The following CPXM2 variants were observed in gnomAD, a reference collection of about 807,000 sequenced individuals.
CPXM2 encodes the protein inactive carboxypeptidase-like protein X2.
In CPXM2, 66 loss-of-function variants were observed where a neutral mutation model predicts 86.1. The ratio of observed to expected loss-of-function variants is 0.77; its 90% CI spans 0.63 to 0.94. The LOEUF (loss-of-function observed/expected upper bound fraction) is 0.94, where lower values mean the gene tolerates loss of function less well. CPXM2 is among the 40% of genes least tolerant of loss of function. The pLI is 0.00. For missense variants in CPXM2, 948 were observed against 1,026.3 expected, an observed-to-expected ratio of 0.92 and a Z score of 1.04; for synonymous variants, 388 against 400.2, an observed-to-expected ratio of 0.97 and a Z score of 0.36.
At chr10:123,901,000 A>G (rs1308581064) in intron 2 of CPXM2, among the ~76,000 whole-genome samples, 2 of 152,224 alleles carry the variant, frequency 1.3e-5, no homozygotes, top group African/African-American at 4.8e-5. Flanking sequence ...TTATTCTTTT[A>G]TAATTTTCTG....
At chr10:123,806,988 A>C (rs989757490) in intron 4 of CPXM2, among the ~76,000 whole-genome samples, 1 of 152,210 alleles carries the variant, frequency 6.6e-6, no homozygotes, top group African/African-American at 2.4e-5. Flanking sequence ...CCCATGTGAT[A>C]GCAGCGTGTC....
intron 3 of CPXM2, among the ~76,000 whole-genome samples, chr10:123,855,863 T>A (rs993390754): frequency 6.6e-5 from 10 of 152,188 alleles, no homozygotes; most frequent in African/African-American, 2.4e-4. Context: ...CCAGCAGTGC[T>A]GGGGAAATGG....
chr10:123,837,831 G>C (rs1217723998), intron 4 of CPXM2, among the ~76,000 whole-genome samples: 1 of 152,202 alleles, frequency 6.6e-6, no homozygotes, highest in East Asian at 1.9e-4. Flanking sequence ...AACTGCGGTT[G>C]TAGAACTTAT....
rs1181038370 is a variant in CPXM2, at chr10:123,885,182, C to G, written c.305-4873G>C. On this transcript the variant is annotated intron_variant, in intron 1 of 13. Coordinates refer to ENST00000241305, the MANE Select transcript of CPXM2 (RefSeq NM_198148.3). The surrounding 1 kb of genome is among the most constrained non-coding windows in gnomAD (Gnocchi z 4.0). ...TCAGGCTGTGTTGTCTGGCAGGACTCAACGGGGACTCAACCTGGCTGGGGA... is the reference window on the plus strand; with the variant it reads ...TCAGGCTGTGTTGTCTGGCAGGACTGAACGGGGACTCAACCTGGCTGGGGA... Among the ~76,000 whole-genome samples, 2 of 150,642 alleles carry G rather than the reference C, an allele frequency of 1.3e-5. No homozygotes were observed. Among genetic ancestry groups the G allele is most frequent in the Non-Finnish European group, 3.0e-5 (2 of 67,654 alleles).
chr10:123,916,612 C>T (rs1945535227), intron 2 of CPXM2, among the ~76,000 whole-genome samples: 1 of 152,174 alleles, frequency 6.6e-6, no homozygotes, highest in African/African-American at 2.4e-5. Flanking sequence ...AACTCAGGCT[C>T]CTCCAGGGCA....
chr10:123,757,305 T>C lies in CPXM2; in HGVS notation c.1825A>G (p.Ile609Val), dbSNP rs748664773. The C allele has an allele frequency of 8.7e-6, 14 of 1,613,694 alleles. No individual in the cohort carries two copies. In the Admixed American group the frequency reaches 1.8e-4, roughly 21 times the overall value. Reference sequence around the variant, plus strand: ...GGGTATTTATCACAGCCCACGTAGATGGACAGTTCGAAGCAGTTTGTATGA... The same window carrying C: ...GGGTATTTATCACAGCCCACGTAGACGGACAGTTCGAAGCAGTTTGTATGA... ...YLHTNCFELS[I>V]YVGCDKYPHE... Residue 609 changes from isoleucine to valine, a missense_variant, in exon 12 of 14, where the codon ATC becomes GTC. Physicochemically the swap from Ile to Val is conservative, Grantham distance 29. Coordinates refer to ENST00000241305, the MANE Select transcript of CPXM2 (RefSeq NM_198148.3).
In CPXM2 at chr10:123,833,438, G is replaced by C. The variant is rs772550086; in HGVS notation, c.653+8911C>G. Among the ~76,000 whole-genome samples the C allele has an allele frequency of 2.9e-4, 44 of 152,188 alleles. 1 individual carries two copies. Among genetic ancestry groups the C allele is most frequent in the Non-Finnish European group, 5.7e-4 (39 of 68,040 alleles). ...TAATTCAGTTGCCAGGCCTTTCCTG[G>C]GTGCCCTCTGGAGGCACTGGGGGTG... is the stretch of plus-strand genomic sequence containing the variant. On this transcript the variant is annotated intron_variant, in intron 4 of 13. Transcript: ENST00000241305.
chr10:123,824,918 C>T (rs1220775523), intron 4 of CPXM2, among the ~76,000 whole-genome samples: 1 of 152,220 alleles, frequency 6.6e-6, no homozygotes, highest in Non-Finnish European at 1.5e-5. Flanking sequence ...TTTGCCACTT[C>T]CAGTGGGAAG....
rs929412152 is a variant in CPXM2, at chr10:123,809,802, T to A, written c.654-10603A>T. 2.0e-5 allele frequency among the ~76,000 whole-genome samples: 3 copies of A among 151,944 alleles called. No individual in the cohort carries two copies. In the East Asian group the frequency reaches 5.8e-4, roughly 29 times the overall value. On this transcript the variant is annotated intron_variant, in intron 4 of 13. Transcript: ENST00000241305. ...TTGGTAAAATTCCAGGAGTAAAAAC[T>A]GAAATAACAGAGTGTTTTATGCAAA...
intron 2 of CPXM2, among the ~76,000 whole-genome samples, chr10:123,932,097 G>A (rs142628601): frequency 1.3e-5 from 2 of 152,304 alleles, no homozygotes; most frequent in Non-Finnish European, 2.9e-5. Flanking sequence ...CTGTACAAGA[G>A]GAAGGTGTCA....
chr10:123,751,388 T>C, intron 13 of CPXM2: 1 of 349,874 alleles, frequency 2.9e-6, no homozygotes, highest in Non-Finnish European at 4.0e-6. Context: ...TACATTCCCT[T>C]GTTATCTACC....
chr10:123,748,503 T>G (rs1846011404), intron 13 of CPXM2, among the ~76,000 whole-genome samples: 1 of 152,092 alleles, frequency 6.6e-6, no homozygotes, highest in African/African-American at 2.4e-5. Context: ...TACACTGAGC[T>G]CACAGGAGCA....
intron 8 of CPXM2, among the ~76,000 whole-genome samples, chr10:123,770,076 C>A (rs1395732778): frequency 6.6e-6 from 1 of 152,192 alleles, no homozygotes. Flanking sequence ...GAGTTCGAGA[C>A]CAGCCTGACC....
At chr10:123,890,604 A>G (rs950035526) in intron 1 of CPXM2, among the ~76,000 whole-genome samples, 1 of 152,252 alleles carries the variant, frequency 6.6e-6, no homozygotes, top group Non-Finnish European at 1.5e-5. Flanking sequence ...GAACATTTGG[A>G]ACTAGAGAAA....
chr10:123,854,830 C>G (rs1186573486), intron 3 of CPXM2, among the ~76,000 whole-genome samples: 3 of 151,730 alleles, frequency 2.0e-5, no homozygotes, highest in African/African-American at 4.8e-5. Flanking sequence ...GTTAGTGCTT[C>G]AAGGACACAA....
At chr10:123,937,132 G>A (rs1945727786) in intron 2 of CPXM2, among the ~76,000 whole-genome samples, 1 of 152,170 alleles carries the variant, frequency 6.6e-6, no homozygotes, top group South Asian at 2.1e-4. Context: ...GTAAAGGGGA[G>A]TCCAGGTGAC....
intron 13 of CPXM2, among the ~76,000 whole-genome samples, chr10:123,753,764 A>G (rs1423518029): frequency 6.6e-6 from 1 of 152,146 alleles, no homozygotes; most frequent in African/African-American, 2.4e-5. Context: ...CAGCAAAGAG[A>G]GTTGGAATAA....
chr10:123,772,122 C>A (rs1230537782), intron 7 of CPXM2, among the ~76,000 whole-genome samples: 1 of 152,180 alleles, frequency 6.6e-6, no homozygotes, highest in Non-Finnish European at 1.5e-5. Flanking sequence ...GTGGCTATCA[C>A]CTCCCTGGTT....
intron 3 of CPXM2, among the ~76,000 whole-genome samples, chr10:123,848,738 A>G (rs767405234): frequency 2.6e-5 from 4 of 152,228 alleles, no homozygotes; most frequent in Non-Finnish European, 4.4e-5. Context: ...GTATCCTCCT[A>G]TGCACTCCAA....
Sources: allele counts gnomAD v4.1 joint callset (sites outside exome capture counted in the v4.1 genomes callset), GRCh38; gene constraint gnomAD v4.1.1; non-coding constraint Gnocchi (gnomAD v3.1); transcripts MANE v1.5; gene names NCBI Gene and HGNC (gene_info 2026-07-23, HGNC 2026-07-21).